SOX30: variants seen among roughly 807,000 people sequenced by gnomAD.
The protein encoded by SOX30 is transcription factor SOX-30.
A neutral mutation model predicts 58.6 loss-of-function variants in SOX30; 17 were observed. The observed-to-expected ratio is 0.29, with a 90% confidence interval of 0.20 to 0.44. The LOEUF is 0.44. Ranked by LOEUF, SOX30 falls within the 20% of genes least tolerant of loss-of-function variation. SOX30 has a pLI of 1.00. For missense variants in SOX30, 951 were observed against 965.8 expected (o/e 0.98, Z 0.20); for synonymous variants, 421 against 400.2 (o/e 1.05, Z -0.62).
chr5:157,651,283 T>C lies in SOX30; in HGVS notation c.796A>G (p.Thr266Ala). The C allele has an allele frequency of 1.9e-6, 3 of 1,614,080 alleles. No homozygotes were observed. The highest frequency in any genetic ancestry group is 2.5e-6 in the Non-Finnish European group (3 of 1,180,020). The change falls in exon 1 of 5, where the codon ACG becomes GCG. Residue 266 changes from threonine (T) to alanine (A), a missense_variant. By Grantham distance (58) the Thr-to-Ala change is moderately conservative (BLOSUM62 0). This residue lies in a region of SOX30 where 84 missense variants were observed against 68.2 expected (regional missense o/e 1.23). Coordinates refer to ENST00000265007, the MANE Select transcript of SOX30 (RefSeq NM_178424.2). The stretch of plus-strand genomic sequence containing the variant: ...TGGATCCGGGCCCCAGGGGGGACCG[T>C]GTGGAGCGTCAAAGGGATCCTAAGG... ...QDLRIPLTLH[T>A]VPPGARIQFQ...
At chr5:157,664,473 C>T (rs1759632188) in intron 2 of SOX30, among the ~76,000 whole-genome samples, 1 of 152,308 alleles carries the variant, frequency 6.6e-6, no homozygotes, top group Admixed American at 6.5e-5. Flanking sequence ...AAATGTTACA[C>T]CTAAAACCAT....
chr5:157,652,661 G>A (rs1019973675), upstream of SOX30, among the ~76,000 whole-genome samples: 10 of 152,184 alleles, frequency 6.6e-5, no homozygotes, highest in African/African-American at 2.2e-4. Flanking sequence ...GAGGATCTTC[G>A]ACTTTGTGTG....
At chr5:157,626,820 G>A in intron 4 of SOX30, 99 bp from the exon 5 acceptor site, 1 of 1,354,986 alleles carries the variant, frequency 7.4e-7, no homozygotes, top group South Asian at 1.5e-5. Flanking sequence ...TTGGGGTTTG[G>A]AAAGTTCCTT....
rs761787687 is a variant in SOX30, at chr5:157,626,677, G to A, written c.1925C>T (p.Pro642Leu). The change falls in exon 5 of 5, where the codon CCG (proline) becomes CTG (leucine). Residue 642 changes from proline to leucine, a missense_variant. By Grantham distance (98) the Pro-to-Leu change is moderately conservative. Transcript: ENST00000265007. ...ACTAAGGCATTCTGGCATTGAACTC[G>A]GAAAATTTCCATAGCCAAAGGGAGG... is the stretch of plus-strand genomic sequence containing the variant. The part of the protein sequence containing the change: ...SRPPFGYGNF[P>L]SSMPECLSYY... 4.8e-5 allele frequency: 78 copies of A among 1,612,864 alleles called. No individual in the cohort carries two copies. Among genetic ancestry groups the A allele is most frequent in the Non-Finnish European group, 6.0e-5 (71 of 1,179,656 alleles).
intron 2 of SOX30, among the ~76,000 whole-genome samples, chr5:157,661,092 T>C (rs1016668421): frequency 2.0e-5 from 3 of 152,238 alleles, no homozygotes; most frequent in African/African-American, 7.2e-5. Flanking sequence ...AAATTTCCTT[T>C]GCAGTTGGTT....
At chr5:157,650,303 G>C (rs1264483896) in intron 1 of SOX30, among the ~76,000 whole-genome samples, 1 of 151,932 alleles carries the variant, frequency 6.6e-6, no homozygotes, top group Non-Finnish European at 1.5e-5. Flanking sequence ...GTGGAGTGGA[G>C]AGGAAGAATC....
At position 157,663,724 on chromosome 5, in the gene SOX30, C is replaced by G. The variant is rs575051752; in HGVS notation, c.52+4074G>C. 2.9e-4 allele frequency among the ~76,000 whole-genome samples: 44 copies of G among 152,284 alleles called. No individual in the cohort carries two copies. The East Asian group carries it at 7.1e-3, about 25-fold the overall frequency. On this transcript the variant is annotated intron_variant, in intron 2 of 5. Transcript: ENST00000519442. Reference sequence around the variant, plus strand: ...AAACCCCATTGTCTCAGCCCAAAATCTCCTTAAGTTGATAAGCAACTTCAG... The same window carrying G: ...AAACCCCATTGTCTCAGCCCAAAATGTCCTTAAGTTGATAAGCAACTTCAG...
At chr5:157,662,012 T>G (rs1759588042) in intron 2 of SOX30, among the ~76,000 whole-genome samples, 1 of 152,180 alleles carries the variant, frequency 6.6e-6, no homozygotes, top group South Asian at 2.1e-4. Flanking sequence ...AATAATTTAA[T>G]TAAACGCTTT....
intron 1 of SOX30, among the ~76,000 whole-genome samples, chr5:157,649,741 G>T (rs1561585491): frequency 1.3e-5 from 2 of 152,174 alleles, no homozygotes; most frequent in African/African-American, 4.8e-5. Flanking sequence ...AGCGAGCTGA[G>T]ATCACGCCAC....
At chr5:157,668,717 G>T (rs1759714277) in intron 1 of SOX30, among the ~76,000 whole-genome samples, 1 of 152,194 alleles carries the variant, frequency 6.6e-6, no homozygotes, top group Admixed American at 6.5e-5. Flanking sequence ...CAGACTGGGA[G>T]TGCTTCAGCT....
rs1315741687 is a variant in SOX30 at position 157,651,479 on chromosome 5, T to A, written c.600A>T (p.Ala200=). ...EVMRDSMQGG[A]GKSPAAIREG... ...CTCGGATGGCTGCCGGGCTTTTGCC[T>A]GCCCCGCCTTGCATCGAGTCTCTCA... Residue 200 remains alanine, a synonymous_variant, in exon 1 of 5, where the codon GCA becomes GCT. Transcript: ENST00000265007. 6.2e-7 allele frequency: 1 copy of A among 1,613,294 alleles called. No individual in the cohort carries two copies. The highest frequency in any genetic ancestry group is 1.3e-5 in the African/African-American group (1 of 74,962).
Position 157,630,319 on chromosome 5 carries a change from A to T in SOX30, c.1881-3598T>A, listed in dbSNP as rs181649815. Among the ~76,000 whole-genome samples, 54 of 152,232 alleles carry T rather than the reference A, an allele frequency of 3.5e-4. 1 individual carries two copies. The highest frequency in any genetic ancestry group is 3.5e-3 in the Admixed American group (53 of 15,292). On this transcript the variant is annotated intron_variant, in intron 4 of 4. Coordinates refer to ENST00000265007, the MANE Select transcript of SOX30 (RefSeq NM_178424.2). ...TTCCTTGGGGATAGTTACTATTAAT[A>T]TTATTTCCTTGTGAATGCCCTACTT...
chr5:157,628,217 T>G (rs1282945563), intron 4 of SOX30, among the ~76,000 whole-genome samples: 2 of 152,050 alleles, frequency 1.3e-5, no homozygotes, highest in East Asian at 3.8e-4. Context: ...TTGTCAATTG[T>G]TTTTAAGTAT....
intron 4 of SOX30, among the ~76,000 whole-genome samples, chr5:157,636,505 A>G (rs1758929955): frequency 6.6e-6 from 1 of 152,184 alleles, no homozygotes; most frequent in South Asian, 2.1e-4. Context: ...CCCTTGAACT[A>G]AAATACTTAT....
intron 4 of SOX30, among the ~76,000 whole-genome samples, chr5:157,635,878 C>T (rs1758915328): frequency 6.6e-6 from 1 of 152,156 alleles, no homozygotes; most frequent in South Asian, 2.1e-4. Context: ...CAACTAACAG[C>T]TGCCAATCAA....
intron 4 of SOX30, 131 bp from the exon 5 acceptor site, chr5:157,626,852 C>T: frequency 1.0e-6 from 1 of 973,896 alleles, no homozygotes; most frequent in Non-Finnish European, 1.5e-6. Flanking sequence ...TTCATGTATT[C>T]CTCTGCTCTT....
intron 4 of SOX30, among the ~76,000 whole-genome samples, chr5:157,633,299 A>C (rs1480638053): frequency 6.6e-6 from 1 of 152,156 alleles, no homozygotes; most frequent in Non-Finnish European, 1.5e-5. Context: ...TCAGCCTCCC[A>C]AGTAGCTGGG....
chr5:157,649,366 TC>T (rs1034839663), intron 1 of SOX30, among the ~76,000 whole-genome samples: 2 of 152,234 alleles, frequency 1.3e-5, no homozygotes, highest in Non-Finnish European at 2.9e-5. Context: ...TTGTGTCCTT[TC>T]AAGCAAAACT....
At chr5:157,628,146 T>C (rs1758704105) in intron 4 of SOX30, among the ~76,000 whole-genome samples, 1 of 151,922 alleles carries the variant, frequency 6.6e-6, no homozygotes, top group African/African-American at 2.4e-5. Context: ...GAGACCCCCA[T>C]CTCAAAAAAA....
Sources: allele counts gnomAD v4.1 joint callset (sites outside exome capture counted in the v4.1 genomes callset), GRCh38; gene constraint gnomAD v4.1.1; regional missense constraint gnomAD v4.1.1; transcripts MANE v1.5; gene names NCBI Gene and HGNC (gene_info 2026-07-23, HGNC 2026-07-21).